Variants in OXTR observed in about 807,000 individuals in gnomAD.
OXTR encodes the protein oxytocin receptor.
Under a neutral mutation model 23.9 loss-of-function variants are expected in OXTR, and 19 were observed. That is an observed-to-expected ratio of 0.80 (90% CI 0.56 to 1.17). The LOEUF (loss-of-function observed/expected upper bound fraction) is 1.17, where lower values mean the gene tolerates loss of function less well. Among genes scored for constraint, OXTR ranks in the 50% most tolerant of loss-of-function variants. The pLI is 0.00. For synonymous variants in OXTR, 278 were observed against 250.5 expected (o/e 1.11, Z -1.04); for missense variants, 500 against 550.7 (o/e 0.91, Z 0.92).
At chr3:8,762,568 A>C (rs781272587) in intron 3 of OXTR, among the ~76,000 whole-genome samples, 1 of 152,164 alleles carries the variant, frequency 6.6e-6, no homozygotes, top group African/African-American at 2.4e-5. Context: ...CTGCCGGCCC[A>C]CCATGCTCTC....
chr3:8,744,632 C>T, the OXTR span, among the ~76,000 whole-genome samples: 1 of 151,954 alleles, frequency 6.6e-6, no homozygotes, highest in Non-Finnish European at 1.5e-5. Flanking sequence ...GTGTAGGCAG[C>T]TAGGAAGGTG....
chr3:8,745,757 T>C (rs768101522), downstream of OXTR: 2 of 1,614,136 alleles, frequency 1.2e-6, no homozygotes, highest in Non-Finnish European at 1.7e-6. The surrounding 1 kb of genome is among the most constrained non-coding windows in gnomAD (Gnocchi z 4.8). Context: ...CGAGATCCAG[T>C]GCATCAGCCA....
chr3:8,762,991 CTG>C (rs1491444819), intron 3 of OXTR, among the ~76,000 whole-genome samples: 1 of 152,210 alleles, frequency 6.6e-6, no homozygotes, highest in East Asian at 1.9e-4. Flanking sequence ...CTATCAATGA[CTG>C]TGCAGCCTTG....
At chr3:8,761,192 A>T in intron 3 of OXTR, among the ~76,000 whole-genome samples, 1 of 152,226 alleles carries the variant, frequency 6.6e-6, no homozygotes, top group East Asian at 1.9e-4. Flanking sequence ...TGAAAATGGA[A>T]AGAGAAACAA....
chr3:8,756,531 C>T (rs553665858), intron 3 of OXTR, among the ~76,000 whole-genome samples: 1 of 152,298 alleles, frequency 6.6e-6, no homozygotes, highest in South Asian at 2.1e-4. Flanking sequence ...AGGCAGTTTG[C>T]CTAATGTTAT....
At position 8,753,079 on chromosome 3, in the gene OXTR, G is replaced by T. The variant is rs142282272; in HGVS notation, c.1068C>A (p.Arg356=). 1,264 of 1,614,186 alleles carry T rather than the reference G, an allele frequency of 7.8e-4. 27 individuals carry two copies. The East Asian group carries it at 0.027, about 35-fold the overall frequency. ...TTTTGCTGGCACTCGTCTCTCCCAG[G>T]CGTCTGCCCTTCAGGTAGCTGGCGG... ...CCSASYLKGR[R]LGETSASKKS... is the part of the protein sequence containing the mutation. The change falls in exon 4 of 4, where the codon CGC becomes CGA. Residue 356 remains arginine, a synonymous_variant. Coordinates refer to ENST00000316793, the MANE Select transcript of OXTR (RefSeq NM_000916.4).
chr3:8,750,046 G>A (rs904712743), downstream of OXTR, among the ~76,000 whole-genome samples: 1 of 152,160 alleles, frequency 6.6e-6, no homozygotes, highest in Non-Finnish European at 1.5e-5. Flanking sequence ...TGTATTTAGT[G>A]ACTAAAGGTA....
At chr3:8,748,212 A>G (rs1230811653), downstream of OXTR, among the ~76,000 whole-genome samples, 1 of 152,246 alleles carries the variant, frequency 6.6e-6, no homozygotes, top group Non-Finnish European at 1.5e-5. Context: ...ATGTTAACAC[A>G]AACTCATTTG....
chr3:8,753,190 G>A lies in OXTR; in HGVS notation c.957C>T (p.Ser319=). ...TCCAGGGGTTGCAGCAGCTGTTGAG[G>A]CTGGCCAGGAGCATGACGATGATGA... ...SAFIIVMLLA[S]LNSCCNPWIY... Residue 319 remains serine, a synonymous_variant, in exon 4 of 4, where the codon AGC becomes AGT. Coordinates refer to ENST00000316793, the MANE Select transcript of OXTR (RefSeq NM_000916.4). 1.2e-6 allele frequency: 2 copies of A among 1,614,146 alleles called. No homozygotes were observed. The highest frequency in any genetic ancestry group is 1.7e-6 in the Non-Finnish European group (2 of 1,180,038).
downstream of OXTR, among the ~76,000 whole-genome samples, chr3:8,748,356 T>A (rs1035027050): frequency 1.3e-5 from 2 of 152,206 alleles, no homozygotes; most frequent in African/African-American, 4.8e-5. Flanking sequence ...TCATACATGA[T>A]GTTTGTTCCT....
chr3:8,745,413 C>T (rs1708121152), downstream of OXTR: 3 of 781,252 alleles, frequency 3.8e-6, no homozygotes, highest in Admixed American at 2.0e-5. This position sits in a 1 kb window ranked among gnomAD's most constrained non-coding sequence, Gnocchi z 4.8. Flanking sequence ...TAGGGTCCAG[C>T]CACCAAGGTT....
chr3:8,756,636 G>A (rs900684334), intron 3 of OXTR, among the ~76,000 whole-genome samples: 6 of 152,190 alleles, frequency 3.9e-5, no homozygotes, highest in African/African-American at 7.2e-5. Context: ...TTGACGCTGT[G>A]GATGCTGTGG....
the OXTR span, among the ~76,000 whole-genome samples, chr3:8,744,681 G>A: frequency 6.3e-3 from 952 of 152,236 alleles, 7 homozygotes; most frequent in African/African-American, 0.022. Flanking sequence ...TTAGGTAAGC[G>A]ATGTGAGGAA....
chr3:8,763,007 C>CAGGCATCCCCTGGGGTAAA (rs1559675303), intron 3 of OXTR, among the ~76,000 whole-genome samples: 1 of 152,192 alleles, frequency 6.6e-6, no homozygotes, highest in Non-Finnish European at 1.5e-5. Flanking sequence ...AGCCTTGTGC[C>CAGGCATCCCCTGGGGTAAA]AGGCATCCCC....
intron 3 of OXTR, among the ~76,000 whole-genome samples, chr3:8,759,128 C>T (rs1350007053): frequency 6.6e-6 from 1 of 152,156 alleles, no homozygotes; most frequent in Non-Finnish European, 1.5e-5. Context: ...TAGCTCAAAT[C>T]GTATAGATAG....
chr3:8,745,692 G>C (rs1708138255), downstream of OXTR: 1 of 1,614,132 alleles, frequency 6.2e-7, no homozygotes. This position sits in a 1 kb window ranked among gnomAD's most constrained non-coding sequence, Gnocchi z 4.8. Flanking sequence ...CTGTTCGCCT[G>C]CATCTCCTTC....
In OXTR at chr3:8,767,564, G is replaced by C; in HGVS notation, c.624C>G (p.Val208=). 2 of 1,613,434 alleles carry C rather than the reference G, an allele frequency of 1.2e-6. No homozygotes were observed. Residue 208 remains valine (V), a synonymous_variant, in exon 3 of 4, where the codon GTC becomes GTG. Coordinates refer to ENST00000316793, the MANE Select transcript of OXTR (RefSeq NM_000916.4). ...CGAGCACGATGACCGGCACGATGTA[G>C]ACAGCTAGCGTGATCCATGTGATGT... ...KAYITWITLA[V]YIVPVIVLAA... is the part of the protein sequence containing the mutation.
intron 3 of OXTR, among the ~76,000 whole-genome samples, chr3:8,763,781 A>C (rs1708542529): frequency 6.6e-6 from 1 of 152,224 alleles, no homozygotes; most frequent in South Asian, 2.1e-4. Context: ...TTTCTTCGGA[A>C]TCATGGAAAT....
rs1267633788 is a variant in OXTR, at chr3:8,768,907, G to A, written c.-238-316C>T. ...ACAGCACCTGCTTCGGTGGAAACCC[G>A]GTTCTGCAGTCCCTGCTGGGGGAAC... is the stretch of plus-strand genomic sequence containing the variant. On this transcript the variant is annotated intron_variant, in intron 1 of 3. Transcript: ENST00000316793. The surrounding 1 kb of genome is among the most constrained non-coding windows in gnomAD (Gnocchi z 5.4). 6.6e-6 allele frequency among the ~76,000 whole-genome samples: 1 copy of A among 152,144 alleles called. No homozygotes were observed. The highest frequency in any genetic ancestry group is 1.5e-5 in the Non-Finnish European group (1 of 68,018).
Sources: allele counts gnomAD v4.1 joint callset (sites outside exome capture counted in the v4.1 genomes callset), GRCh38; gene constraint gnomAD v4.1.1; non-coding constraint Gnocchi (gnomAD v3.1); transcripts MANE v1.5; gene names NCBI Gene and HGNC (gene_info 2026-07-23, HGNC 2026-07-21).